The following RYR2 variants were observed in gnomAD, a reference collection of about 807,000 sequenced individuals.
RYR2 encodes the protein ryanodine receptor 2.
A neutral mutation model predicts 601.1 loss-of-function variants in RYR2; 227 were observed. The observed-to-expected ratio is 0.38, with a 90% CI of 0.34 to 0.42. RYR2 has a LOEUF of 0.42. RYR2 is among the 10% of genes least tolerant of loss of function. The pLI, the probability that RYR2 is intolerant of heterozygous loss-of-function variation, is 1.00. For missense variants in RYR2, 4,646 were observed against 6,156.5 expected, an observed-to-expected ratio of 0.75 and a Z score of 8.21; for synonymous variants, 2,223 against 2,175.1, an observed-to-expected ratio of 1.02 and a Z score of -0.61.
intron 100 of RYR2, among the ~76,000 whole-genome samples, chr1:237,812,029 G>A (rs1661309552): frequency 6.6e-6 from 1 of 152,066 alleles, no homozygotes; most frequent in South Asian, 2.1e-4. Flanking sequence ...GGCTATAAAT[G>A]CTATTGTCCC....
chr1:237,129,713 C>CAT (rs544533912), intron 1 of RYR2, among the ~76,000 whole-genome samples: 1 of 149,418 alleles, frequency 6.7e-6, no homozygotes, highest in Non-Finnish European at 1.5e-5. Flanking sequence ...TATAATGATA[C>CAT]ATATATATAG....
At chr1:237,096,082 GA>G (rs1366221959) in intron 1 of RYR2, among the ~76,000 whole-genome samples, 4 of 152,144 alleles carry the variant, frequency 2.6e-5, no homozygotes, top group African/African-American at 9.7e-5. Context: ...CTGGGATCCT[GA>G]AAATTGTTTG....
chr1:237,494,360 C>T (rs1377327758), intron 19 of RYR2, among the ~76,000 whole-genome samples: 1 of 152,116 alleles, frequency 6.6e-6, no homozygotes, highest in African/African-American at 2.4e-5. Context: ...TGTTCAAGGG[C>T]AGAAAGCACC....
Position 237,437,608 on chromosome 1 carries a change from G to A in RYR2, c.1006-3711G>A, listed in dbSNP as rs547888032. ...GTGAATGATAGTCAAGTGGAAAGAA[G>A]ACAATTGAGGAACAGTTTTAACAAA... On this transcript the variant is annotated intron_variant, in intron 12 of 104. Coordinates refer to ENST00000366574, the MANE Select transcript of RYR2 (RefSeq NM_001035.3). Among the ~76,000 whole-genome samples, 3 of 152,274 alleles carry A rather than the reference G, an allele frequency of 2.0e-5. No individual in the cohort carries two copies. The South Asian group carries it at 6.2e-4, about 32-fold the overall frequency.
At chr1:237,592,524 T>C (rs1021525893) in intron 32 of RYR2, among the ~76,000 whole-genome samples, 3 of 151,344 alleles carry the variant, frequency 2.0e-5, no homozygotes, top group Non-Finnish European at 4.4e-5. Context: ...TCCCAGCTAC[T>C]AGGGAGGCTG....
intron 12 of RYR2, among the ~76,000 whole-genome samples, chr1:237,434,444 G>A (rs1177540307): frequency 2.6e-5 from 4 of 152,196 alleles, no homozygotes; most frequent in African/African-American, 4.8e-5. Context: ...CTTACATAAC[G>A]AAGAATGCTA....
chr1:237,480,255 C>T (rs546760515), intron 17 of RYR2, among the ~76,000 whole-genome samples: 11 of 151,480 alleles, frequency 7.3e-5, no homozygotes, highest in Non-Finnish European at 1.2e-4. Flanking sequence ...CTCGTCTGTA[C>T]TAAAAATACA....
At position 237,634,753 on chromosome 1, in the gene RYR2, TTAATG is replaced by T. The variant is rs543242492; in HGVS notation, c.6689-132_6689-128del. On this transcript the variant is annotated intron_variant, in intron 43 of 104. Transcript: ENST00000366574. ...AATTCAAAATACGTAAAATTAAACT[TTAATG>T]TAAATCAATGTAGATTAATACACTA... 5.2e-4 allele frequency: 317 copies of T among 604,028 alleles called. No individual in the cohort carries two copies. In the African/African-American group the frequency reaches 5.4e-3, roughly 10 times the overall value. The allele number at this position is 604,028 out of a possible 1,614,324, so 37.4% of individuals were successfully genotyped here. A position where few individuals can be genotyped will look rare whatever the true frequency, so the allele number is the denominator to read the frequency against.
intron 1 of RYR2, among the ~76,000 whole-genome samples, chr1:237,091,704 C>T (rs1032499081): frequency 7.2e-5 from 11 of 152,300 alleles, no homozygotes; most frequent in African/African-American, 1.9e-4. Flanking sequence ...GGATTACAGG[C>T]GTGAGCCACT....
rs977530484 is a variant in RYR2 at position 237,643,534 on chromosome 1, A to G, written c.7342+87A>G. The stretch of plus-strand genomic sequence containing the variant: ...AATGTTTTCCGTACTCAACATCCCA[A>G]CCTCTCCACTTCCTAAATTATGTGT... On this transcript the variant is annotated intron_variant, in intron 48 of 104. Coordinates refer to ENST00000366574, the MANE Select transcript of RYR2 (RefSeq NM_001035.3). 2.7e-5 allele frequency: 39 copies of G among 1,469,500 alleles called. No individual in the cohort carries two copies. The East Asian group carries it at 8.2e-4, about 31-fold the overall frequency. 91.0% of individuals were successfully genotyped at this position (1,469,500 alleles called of 1,614,324 possible). A position where few individuals can be genotyped will look rare whatever the true frequency, so the allele number is the denominator to read the frequency against.
chr1:237,704,660 G>A (rs1334196510), intron 66 of RYR2, among the ~76,000 whole-genome samples: 2 of 151,660 alleles, frequency 1.3e-5, no homozygotes, highest in Non-Finnish European at 2.9e-5. Flanking sequence ...TCTAAATAAT[G>A]TTTTGGTTTT....
chr1:237,747,412 T>A (rs1188228079), intron 80 of RYR2, among the ~76,000 whole-genome samples: 2 of 152,232 alleles, frequency 1.3e-5, no homozygotes, highest in Non-Finnish European at 2.9e-5. Context: ...CAGATGGATC[T>A]GAGACACAAA....
intron 4 of RYR2, among the ~76,000 whole-genome samples, chr1:237,358,381 A>G (rs1699480317): frequency 6.6e-6 from 1 of 151,828 alleles, no homozygotes; most frequent in Non-Finnish European, 1.5e-5. Context: ...GTACCTGGAG[A>G]GTCTGCCACT....
intron 2 of RYR2, among the ~76,000 whole-genome samples, chr1:237,296,925 C>T (rs935669872): frequency 6.6e-6 from 1 of 152,104 alleles, no homozygotes; most frequent in Non-Finnish European, 1.5e-5. Context: ...TGCATTAGTA[C>T]ATATTCGTTT....
intron 2 of RYR2, among the ~76,000 whole-genome samples, chr1:237,307,401 A>G (rs1380354847): frequency 6.6e-6 from 1 of 152,208 alleles, no homozygotes; most frequent in African/African-American, 2.4e-5. Flanking sequence ...ATGTTCTTAA[A>G]CTGAAAAGGA....
At chr1:237,594,898 T>TTGG (rs1559084083) in intron 33 of RYR2, among the ~76,000 whole-genome samples, 7 of 20,664 alleles carry the variant, frequency 3.4e-4, no homozygotes, top group Admixed American at 1.0e-3. Context: ...TTTTTTTTTT[T>TTGG]TTTTTTTTTT....
At chr1:237,364,264 A>G in intron 4 of RYR2, 94 bp from the exon 5 acceptor site, 2 of 1,128,082 alleles carry the variant, frequency 1.8e-6, no homozygotes, top group Non-Finnish European at 2.6e-6. Flanking sequence ...TCCATTTAGG[A>G]TAACGGAGTC....
chr1:237,740,421 G>T (rs554910560), intron 79 of RYR2, among the ~76,000 whole-genome samples: 2 of 152,014 alleles, frequency 1.3e-5, no homozygotes, highest in Admixed American at 1.3e-4. Flanking sequence ...ATTTTCCTAG[G>T]AAGATTTTTT....
chr1:237,088,558 A>G (rs930847394), intron 1 of RYR2, among the ~76,000 whole-genome samples: 1 of 152,166 alleles, frequency 6.6e-6, no homozygotes, highest in Non-Finnish European at 1.5e-5. Context: ...AGCCAGGGGC[A>G]TTGGTGTTGT....
Sources: allele counts gnomAD v4.1 joint callset (sites outside exome capture counted in the v4.1 genomes callset), GRCh38; gene constraint gnomAD v4.1.1; transcripts MANE v1.5; gene names NCBI Gene and HGNC (gene_info 2026-07-23, HGNC 2026-07-21).